RARB: variants seen among roughly 807,000 people sequenced by gnomAD.
The protein encoded by RARB is HBV-activated protein.
Under a neutral mutation model 51.9 loss-of-function variants are expected in RARB, and 17 were observed. The ratio of observed to expected loss-of-function variants is 0.33; its 90% CI spans 0.22 to 0.49. The LOEUF is 0.49. Among genes scored for constraint, RARB ranks in the 20% least tolerant of loss-of-function variants. RARB has a pLI of 0.99. For missense variants in RARB, 369 were observed against 550.8 expected, an observed-to-expected ratio of 0.67 and a Z score of 3.30; for synonymous variants, 215 against 195.4, an observed-to-expected ratio of 1.10 and a Z score of -0.84.
At chr3:25,204,360 A>G (rs1176740603) in intron 5 of RARB, among the ~76,000 whole-genome samples, 1 of 152,178 alleles carries the variant, frequency 6.6e-6, no homozygotes, top group Admixed American at 6.5e-5. Context: ...CTTCTTTGCC[A>G]CGAGTTTGAA....
At chr3:25,396,086 G>T (rs1286584300) in intron 5 of RARB, among the ~76,000 whole-genome samples, 1 of 152,188 alleles carries the variant, frequency 6.6e-6, no homozygotes, top group African/African-American at 2.4e-5. Flanking sequence ...TTCCCCTAGG[G>T]ATGTGGCTTC....
intron 5 of RARB, among the ~76,000 whole-genome samples, chr3:25,370,565 G>C (rs1244180292): frequency 5.3e-5 from 8 of 152,282 alleles, no homozygotes; most frequent in Non-Finnish European, 1.0e-4. Flanking sequence ...TTTGGAGAGC[G>C]TAACTAGTCC....
intron 1 of RARB, among the ~76,000 whole-genome samples, chr3:25,454,845 A>G (rs898114646): frequency 1.3e-4 from 20 of 152,230 alleles, no homozygotes; most frequent in African/African-American, 4.6e-4. Context: ...CAACAAGGAC[A>G]TTTATACTGT....
chr3:25,116,402 A>G (rs1699687822), intron 3 of RARB, among the ~76,000 whole-genome samples: 1 of 148,994 alleles, frequency 6.7e-6, no homozygotes, highest in African/African-American at 2.5e-5. Context: ...CCCCATCTTT[A>G]TCAAACAGAA....
At chr3:25,343,619 C>A (rs1331409930) in intron 5 of RARB, among the ~76,000 whole-genome samples, 1 of 151,986 alleles carries the variant, frequency 6.6e-6, no homozygotes, top group Non-Finnish European at 1.5e-5. Flanking sequence ...TAAATACATT[C>A]TTTAATTTGA....
chr3:25,440,288 CA>C (rs552617717), intron 1 of RARB, among the ~76,000 whole-genome samples: 1 of 151,548 alleles, frequency 6.6e-6, no homozygotes, highest in East Asian at 2.0e-4. Flanking sequence ...CCTGTCTCTA[CA>C]AAAAGAATTA....
chr3:25,325,943 C>G (rs767706568), intron 5 of RARB, among the ~76,000 whole-genome samples: 1 of 152,154 alleles, frequency 6.6e-6, no homozygotes, highest in Non-Finnish European at 1.5e-5. Context: ...TCCAAATCAC[C>G]TGTTGAGACC....
chr3:25,594,379 C>T, intron 6 of RARB, 141 bp from the exon 7 acceptor site: 2 of 867,860 alleles, frequency 2.3e-6, no homozygotes, highest in Non-Finnish European at 3.3e-6. Flanking sequence ...CTGCTTAAAG[C>T]AACTGCATAA....
intron 2 of RARB, among the ~76,000 whole-genome samples, chr3:24,971,923 C>G (rs1696407629): frequency 1.3e-5 from 2 of 151,846 alleles, no homozygotes; most frequent in African/African-American, 4.8e-5. Flanking sequence ...TTTTGGGCTA[C>G]ATGTGATAAT....
At chr3:25,027,559 G>A (rs1050830659) in intron 2 of RARB, among the ~76,000 whole-genome samples, 1 of 152,048 alleles carries the variant, frequency 6.6e-6, no homozygotes, top group Non-Finnish European at 1.5e-5. Context: ...CATAATTGAG[G>A]TGAGTATCTA....
intron 3 of RARB, among the ~76,000 whole-genome samples, chr3:25,078,640 G>A (rs989194343): frequency 2.0e-5 from 3 of 151,452 alleles, no homozygotes; most frequent in Non-Finnish European, 4.4e-5. Context: ...ATGTTCAAGC[G>A]ATTCTCCTGC....
At chr3:25,109,183 C>T (rs1575164407) in intron 3 of RARB, among the ~76,000 whole-genome samples, 1 of 152,174 alleles carries the variant, frequency 6.6e-6, no homozygotes. Flanking sequence ...ATAGTTACCT[C>T]ATATAATATT....
At chr3:25,263,994 T>C (rs1228709964) in intron 5 of RARB, among the ~76,000 whole-genome samples, 3 of 152,116 alleles carry the variant, frequency 2.0e-5, no homozygotes, top group African/African-American at 7.2e-5. Context: ...CAGGAGGTTG[T>C]TTTGCACAAT....
chr3:25,359,533 C>T (rs1202665341), intron 5 of RARB, among the ~76,000 whole-genome samples: 2 of 152,056 alleles, frequency 1.3e-5, no homozygotes, highest in Non-Finnish European at 2.9e-5. Context: ...AATGTGTTTG[C>T]TCTTGCTTCT....
At chr3:25,333,817 A>C (rs556188212) in intron 5 of RARB, among the ~76,000 whole-genome samples, 3 of 152,382 alleles carry the variant, frequency 2.0e-5, no homozygotes, top group African/African-American at 7.2e-5. Flanking sequence ...CAAAGAACTT[A>C]AACGGATTTA....
chr3:25,301,264 C>T (rs1280924839), intron 5 of RARB, among the ~76,000 whole-genome samples: 1 of 152,096 alleles, frequency 6.6e-6, no homozygotes, highest in East Asian at 1.9e-4. Context: ...GTGTGAATAC[C>T]AATGGGGTTA....
intron 5 of RARB, among the ~76,000 whole-genome samples, chr3:25,589,929 A>G (rs1701548640): frequency 6.6e-6 from 1 of 151,976 alleles, no homozygotes; most frequent in African/African-American, 2.4e-5. Context: ...TGCCACTGGC[A>G]TTTGATTTTA....
intron 3 of RARB, among the ~76,000 whole-genome samples, chr3:25,122,320 A>C (rs1251267230): frequency 6.6e-6 from 1 of 151,894 alleles, no homozygotes; most frequent in African/African-American, 2.4e-5. Context: ...TATTTCTCTC[A>C]ATTTCTGTTA....
At chr3:25,594,467 G>A in intron 6 of RARB, 53 bp from the exon 7 acceptor site, 1 of 1,511,992 alleles carries the variant, frequency 6.6e-7, no homozygotes, top group South Asian at 1.3e-5. Context: ...CAAGGAAGAG[G>A]GGAAAAGGGC....
Sources: allele counts gnomAD v4.1 joint callset (sites outside exome capture counted in the v4.1 genomes callset), GRCh38; gene constraint gnomAD v4.1.1; transcripts MANE v1.5; gene names NCBI Gene and HGNC (gene_info 2026-07-23, HGNC 2026-07-21).